Variants in TRAPPC8 observed in about 807,000 individuals in gnomAD.
TRAPPC8 encodes the protein trafficking protein particle complex subunit 8, also known as general sporulation gene 1 homolog.
In TRAPPC8, 54 loss-of-function variants were observed where a neutral mutation model predicts 174.3. That is an observed-to-expected ratio of 0.31 (90% CI 0.25 to 0.39). The LOEUF is 0.39. Among genes scored for constraint, TRAPPC8 ranks in the 10% least tolerant of loss-of-function variants. TRAPPC8 has a pLI of 1.00. For synonymous variants in TRAPPC8, 630 were observed against 579.9 expected, an observed-to-expected ratio of 1.09 and a Z score of -1.24; for missense variants, 1,531 against 1,699.1, an observed-to-expected ratio of 0.90 and a Z score of 1.74.
intron 2 of TRAPPC8, among the ~76,000 whole-genome samples, chr18:31,922,678 C>G (rs2037440640): frequency 6.6e-6 from 1 of 152,114 alleles, no homozygotes; most frequent in Non-Finnish European, 1.5e-5. Flanking sequence ...CTTTCCATCT[C>G]TACATGTTCT....
chr18:31,912,818 C>T (rs1308117418), intron 5 of TRAPPC8, among the ~76,000 whole-genome samples: 3 of 152,164 alleles, frequency 2.0e-5, no homozygotes, highest in African/African-American at 7.2e-5. Flanking sequence ...ACGTGTAATT[C>T]ACTTTTAATC....
rs529741555 is a variant in TRAPPC8 at position 31,855,134 on chromosome 18, G to T, written c.3336+526C>A. ...TGAGAATCACTTGAACCCAGGAGGT[G>T]GAGGTTACAGTGAGCAACCTGGGTG... On this transcript the variant is annotated intron_variant, in intron 21 of 28. Coordinates refer to ENST00000283351, the MANE Select transcript of TRAPPC8 (RefSeq NM_014939.5). Among the ~76,000 whole-genome samples, 29 of 152,092 alleles carry T rather than the reference G, an allele frequency of 1.9e-4. 1 individual carries two copies. The highest frequency in any genetic ancestry group is 1.2e-3 in the East Asian group (6 of 5,182).
chr18:31,849,852 A>T (rs2033615456), intron 24 of TRAPPC8, 113 bp from the exon 25 acceptor site: 1 of 1,009,924 alleles, frequency 9.9e-7, no homozygotes, highest in Admixed American at 3.4e-5. Flanking sequence ...TTATTTCTAT[A>T]GCTTATACAT....
chr18:31,865,668 T>G (rs2034551494), intron 18 of TRAPPC8, among the ~76,000 whole-genome samples: 1 of 151,862 alleles, frequency 6.6e-6, no homozygotes, highest in African/African-American at 2.4e-5. Context: ...ACCTATATTT[T>G]ACTGACAACC....
chr18:31,870,811 T>G (rs12607045), intron 15 of TRAPPC8, 115 bp downstream of exon 15: 44 of 998,402 alleles, frequency 4.4e-5, no homozygotes, highest in Non-Finnish European at 5.6e-5. Context: ...AATTATGAGT[T>G]CCTAATTTAT....
At chr18:31,937,703 T>C (rs992022054) in intron 1 of TRAPPC8, 4 of 152,028 alleles carry the variant, frequency 2.6e-5, no homozygotes, top group African/African-American at 9.7e-5. Context: ...CCTAGTCTAC[T>C]TTTTTTTGTT....
At chr18:31,839,179 G>A in intron 27 of TRAPPC8, 133 bp downstream of exon 27, 7 of 775,854 alleles carry the variant, frequency 9.0e-6, no homozygotes, top group Non-Finnish European at 1.1e-5. Flanking sequence ...TTTAGTTCAA[G>A]TATTCTATAG....
At chr18:31,876,254 G>T in intron 12 of TRAPPC8, among the ~76,000 whole-genome samples, 1 of 151,968 alleles carries the variant, frequency 6.6e-6, no homozygotes, top group South Asian at 2.1e-4. Context: ...ACTTTGGAAG[G>T]CTGAGGCGGG....
chr18:31,879,497 C>T (rs1033783847), intron 12 of TRAPPC8, among the ~76,000 whole-genome samples: 23 of 152,056 alleles, frequency 1.5e-4, no homozygotes, highest in African/African-American at 5.6e-4. Context: ...GGAAAGTTTA[C>T]AGCACTAAAT....
At chr18:31,913,299 C>T (rs376378821) in intron 5 of TRAPPC8, 70 bp downstream of exon 5, 34 of 1,458,480 alleles carry the variant, frequency 2.3e-5, no homozygotes, top group Middle Eastern at 2.6e-4. Flanking sequence ...AATAATTATA[C>T]TAGTTAAACC....
chr18:31,874,929 G>T (rs2035069582), intron 12 of TRAPPC8, among the ~76,000 whole-genome samples: 1 of 152,132 alleles, frequency 6.6e-6, no homozygotes, highest in Admixed American at 6.6e-5. Context: ...GCGTTAGATA[G>T]GAGTAGGGTA....
chr18:31,917,398 T>C (rs535993662), intron 3 of TRAPPC8, among the ~76,000 whole-genome samples, 180 bp downstream of exon 3: 7 of 151,578 alleles, frequency 4.6e-5, no homozygotes, highest in Admixed American at 1.3e-4. Context: ...AAAATTGTTA[T>C]AGCAGTCCTG....
chr18:31,891,012 A>C (rs919818812), intron 11 of TRAPPC8, 146 bp from the exon 12 acceptor site: 1 of 578,880 alleles, frequency 1.7e-6, no homozygotes, highest in South Asian at 4.5e-5. Context: ...CAAGGGGAAA[A>C]CCAATCTTGA....
At chr18:31,839,050 TATTTTTAGAATTTTA>T (rs1477700097) in intron 27 of TRAPPC8, among the ~76,000 whole-genome samples, 3 of 152,234 alleles carry the variant, frequency 2.0e-5, no homozygotes, top group African/African-American at 7.2e-5. Flanking sequence ...CAGGACTTCT[TATTTTTAGAATTTTA>T]GAGATTTATA....
chr18:31,859,412 A>G (rs1331019524), intron 19 of TRAPPC8, among the ~76,000 whole-genome samples: 1 of 152,216 alleles, frequency 6.6e-6, no homozygotes, highest in Non-Finnish European at 1.5e-5. Context: ...TAAGCTAGAC[A>G]TAGCATTATA....
rs370471599 is a variant in TRAPPC8, at chr18:31,830,741, A to C, written c.*14T>G. 5.0e-6 allele frequency: 8 copies of C among 1,605,188 alleles called. No individual in the cohort carries two copies. In the East Asian group the frequency reaches 1.6e-4, roughly 31 times the overall value. On this transcript the variant is annotated 3_prime_UTR_variant, in exon 29 of 29. Coordinates refer to ENST00000283351, the MANE Select transcript of TRAPPC8 (RefSeq NM_014939.5). Reference sequence around the variant, plus strand: ...AACTGATTATTGTGGATTTCAGTACAAATTTCCAAGTTGTCACACATTACT... The same window carrying C: ...AACTGATTATTGTGGATTTCAGTACCAATTTCCAAGTTGTCACACATTACT...
intron 9 of TRAPPC8, among the ~76,000 whole-genome samples, chr18:31,902,910 A>G (rs1468688240): frequency 2.6e-5 from 4 of 151,974 alleles, no homozygotes; most frequent in South Asian, 2.1e-4. Context: ...TTAGCTGGGC[A>G]AGGTGGCGGG....
At chr18:31,905,850 T>C (rs1351266359) in intron 9 of TRAPPC8, among the ~76,000 whole-genome samples, 1 of 152,178 alleles carries the variant, frequency 6.6e-6, no homozygotes, top group Non-Finnish European at 1.5e-5. Context: ...AAATGTAGTT[T>C]TTATCAAACA....
intron 21 of TRAPPC8, 25 bp downstream of exon 21, chr18:31,855,635 A>C: frequency 6.4e-7 from 1 of 1,574,034 alleles, no homozygotes; most frequent in Non-Finnish European, 8.6e-7. Context: ...AATTAAAAAC[A>C]AAATTCAGTT....
Sources: gnomAD v4.1 joint callset for allele counts (sites outside exome capture counted in the v4.1 genomes callset) on GRCh38, gnomAD v4.1.1 for gene constraint, MANE v1.5 for transcripts, NCBI Gene and HGNC (gene_info 2026-07-23, HGNC 2026-07-21) for gene names.